Variants in PIEZO1 observed in about 807,000 individuals in gnomAD.
PIEZO1 encodes piezo-type mechanosensitive ion channel component 1.
Under a neutral mutation model 297.2 loss-of-function variants are expected in PIEZO1, and 296 were observed. The ratio of observed to expected loss-of-function variants is 1.00; its 90% CI spans 0.91 to 1.10. The LOEUF is 1.10. Among genes scored for constraint, PIEZO1 ranks in the 50% least tolerant of loss-of-function variants. PIEZO1 has a pLI of 0.00. For missense variants in PIEZO1, 5,018 were observed against 3,455.5 expected (o/e 1.45, Z -11.34); for synonymous variants, 2,427 against 1,507.5 (o/e 1.61, Z -14.13).
intron 2 of PIEZO1, among the ~76,000 whole-genome samples, chr16:88,746,967 C>G (rs1457859098): frequency 6.6e-6 from 1 of 152,182 alleles, no homozygotes; most frequent in Non-Finnish European, 1.5e-5. Flanking sequence ...AGCCATGCAT[C>G]CTGGAGGGGT....
At chr16:88,744,933 C>T (rs935512827) in intron 2 of PIEZO1, among the ~76,000 whole-genome samples, 2 of 151,960 alleles carry the variant, frequency 1.3e-5, no homozygotes, top group Non-Finnish European at 2.9e-5. Flanking sequence ...CTGCACGGGG[C>T]GGGGAGCGGG....
chr16:88,735,168 C>G lies in PIEZO1; in HGVS notation c.1636G>C (p.Ala546Pro). ...EKLLKWAESP[A>P]ALTEVTVADT... ...GCCACGGTGACCTCCGTCAGCGCAG[C>G]TGGAGACTCTGCCCACTTCAGCAGC... Residue 546 changes from alanine to proline, a missense_variant, in exon 13 of 51, where the codon GCT becomes CCT. Ala to Pro is a conservative substitution (Grantham distance 27). Coordinates refer to ENST00000301015, the MANE Select transcript of PIEZO1 (RefSeq NM_001142864.4). 1 of 1,550,396 alleles carries G rather than the reference C, an allele frequency of 6.4e-7. No individual in the cohort carries two copies. The highest frequency in any genetic ancestry group is 8.7e-7 in the Non-Finnish European group (1 of 1,146,922).
At chr16:88,755,211 G>A (rs752349287) in intron 1 of PIEZO1, among the ~76,000 whole-genome samples, 1 of 152,240 alleles carries the variant, frequency 6.6e-6, no homozygotes, top group Non-Finnish European at 1.5e-5. Context: ...AGCCGCCCCC[G>A]CCGCCCCCGC....
intron 1 of PIEZO1, among the ~76,000 whole-genome samples, chr16:88,775,049 G>A (rs1304518641): frequency 1.3e-5 from 2 of 152,234 alleles, no homozygotes; most frequent in Non-Finnish European, 2.9e-5. Flanking sequence ...GGGAGGCCCC[G>A]GCCCAGACAG....
chr16:88,722,947 C>T lies in PIEZO1; in HGVS notation c.4558G>A (p.Ala1520Thr). ...TAQFLWMLGQ[A>T]LVDELTRWLQ... ...CAGCGTGTCAGCTCATCCACTAGCGCCTGCCCCAGCATCCACAGGAACTGC... is the reference window on the plus strand; with the variant it reads ...CAGCGTGTCAGCTCATCCACTAGCGTCTGCCCCAGCATCCACAGGAACTGC... Residue 1520 changes from alanine (A) to threonine (T), a missense_variant, in exon 34 of 51, where the codon GCG (alanine) becomes ACG (threonine). Ala to Thr is a moderately conservative substitution (Grantham distance 58). Coordinates refer to ENST00000301015, the MANE Select transcript of PIEZO1 (RefSeq NM_001142864.4). The T allele has an allele frequency of 6.5e-7, 1 of 1,549,336 alleles. No individual in the cohort carries two copies. The highest frequency in any genetic ancestry group is 1.7e-4 in the Middle Eastern group (1 of 5,978).
rs532686063 is a variant in PIEZO1 at position 88,727,238 on chromosome 16, G to A, written c.3302-46C>T. 4.7e-4 allele frequency: 702 copies of A among 1,490,182 alleles called. 1 individual carries two copies. The highest frequency in any genetic ancestry group is 6.0e-4 in the Non-Finnish European group (665 of 1,117,644). The allele number at this position is 1,490,182 out of a possible 1,614,324, so 92.3% of individuals were successfully genotyped here. On this transcript the variant is annotated intron_variant, in intron 23 of 50. Coordinates refer to ENST00000301015, the MANE Select transcript of PIEZO1 (RefSeq NM_001142864.4). ...CGCTGTGCCACACGGGGACCCACAC[G>A]AGGTGGGCACGGCGCATAAATCCCA...
At chr16:88,767,617 C>T (rs1907235349) in intron 1 of PIEZO1, among the ~76,000 whole-genome samples, 2 of 152,188 alleles carry the variant, frequency 1.3e-5, no homozygotes, top group African/African-American at 4.8e-5. Flanking sequence ...CCCACATTTG[C>T]AGGGGGAGCC....
intron 2 of PIEZO1, among the ~76,000 whole-genome samples, chr16:88,748,868 G>A (rs1251499926): frequency 1.3e-5 from 2 of 149,890 alleles, no homozygotes; most frequent in Non-Finnish European, 3.0e-5. Flanking sequence ...GGGATGCGGA[G>A]GTTGCAGTGA....
intron 39 of PIEZO1, 34 bp from the exon 40 acceptor site, chr16:88,720,782 C>T: frequency 6.9e-7 from 1 of 1,453,776 alleles, no homozygotes; most frequent in South Asian, 1.5e-5. Context: ...CCTGGGCCCC[C>T]TGGGGACTGG....
At chr16:88,762,246 A>C (rs924236141) in intron 1 of PIEZO1, among the ~76,000 whole-genome samples, 1 of 148,560 alleles carries the variant, frequency 6.7e-6, no homozygotes, top group African/African-American at 2.5e-5. Flanking sequence ...AGCCCAGCTG[A>C]AGAAAGGGCC....
Position 88,734,923 on chromosome 16 carries a change from G to T in PIEZO1, c.1800C>A (p.Tyr600Ter). 1 of 1,550,440 alleles carries T rather than the reference G, an allele frequency of 6.4e-7. No homozygotes were observed. Residue 600 changes from tyrosine (Y) to a stop codon, truncating the protein, a stop_gained, in exon 14 of 51, where the codon TAC becomes TAA. Coordinates refer to ENST00000301015, the MANE Select transcript of PIEZO1 (RefSeq NM_001142864.4). LOFTEE classifies it high-confidence loss of function. ...VVSFAGRLVV[Y>*]KIVYMFLFLL... is the part of the protein sequence containing the mutation. ...GGAAGAGGAACATGTAGACAATCTT[G>T]TAGACCACGAGGCGGCCGGCGAAGC...
chr16:88,727,499 G>A (rs1904537964), intron 23 of PIEZO1, 58 bp downstream of exon 23: 2 of 694,890 alleles, frequency 2.9e-6, no homozygotes, highest in Non-Finnish European at 2.5e-6. Context: ...GCAGATTTGG[G>A]GGCGTGAATG....
chr16:88,750,028 G>GAGAA (rs1274770974), intron 1 of PIEZO1, among the ~76,000 whole-genome samples: 1 of 145,004 alleles, frequency 6.9e-6, no homozygotes, highest in African/African-American at 2.6e-5. Context: ...GCCTCAAAAA[G>GAGAA]AGAAAGAAAG....
Position 88,741,730 on chromosome 16 carries a change from GAGTGTGGATGGGT to G in PIEZO1, c.327-127_327-115del. On this transcript the variant is annotated intron_variant, in intron 4 of 50. Transcript: ENST00000301015. ...TGGATGGGTCTCCAGGTGCGGGTGG[GAGTGTGGATGGGT>G]CTCCAGGTGCGGGTGGGAGTGTGGA... 9 of 297,296 alleles carry G rather than the reference GAGTGTGGATGGGT, an allele frequency of 3.0e-5. No individual in the cohort carries two copies. The South Asian group carries it at 3.4e-4, about 11-fold the overall frequency. 18.4% of individuals were successfully genotyped at this position (297,296 alleles called of 1,614,324 possible).
At chr16:88,763,157 A>G (rs1176347341) in intron 1 of PIEZO1, among the ~76,000 whole-genome samples, 2 of 152,190 alleles carry the variant, frequency 1.3e-5, no homozygotes, top group Non-Finnish European at 2.9e-5. Context: ...GTGAGCTAGC[A>G]GCCAATGTCC....
intron 2 of PIEZO1, among the ~76,000 whole-genome samples, chr16:88,746,146 G>C (rs989172410): frequency 6.6e-6 from 1 of 152,218 alleles, no homozygotes; most frequent in Non-Finnish European, 1.5e-5. Context: ...CCCACCCAGC[G>C]ACAGCTAGGG....
chr16:88,768,508 T>C (rs1283675040), intron 1 of PIEZO1, among the ~76,000 whole-genome samples: 3 of 152,206 alleles, frequency 2.0e-5, no homozygotes, highest in Non-Finnish European at 4.4e-5. Flanking sequence ...ACATCCTGTT[T>C]TTATGGAAAA....
intron 1 of PIEZO1, among the ~76,000 whole-genome samples, chr16:88,775,271 C>T (rs1356178984): frequency 6.6e-6 from 1 of 152,184 alleles, no homozygotes; most frequent in Non-Finnish European, 1.5e-5. Context: ...CAGAGGATGC[C>T]GGGGCAGACC....
rs144777557 is a variant in PIEZO1, at chr16:88,733,987, CCTG to C, written c.2245_2247del (p.Gln749del). ...GAGTCCTCCTCCTCCTCCTCCTCCT[CCTG>C]CTGCTGCTGCTGATGCTCCTGCTGC... On this transcript the variant is annotated inframe_deletion, in exon 17 of 51. Coordinates refer to ENST00000301015, the MANE Select transcript of PIEZO1 (RefSeq NM_001142864.4). 178,144 of 1,500,462 alleles carry C rather than the reference CCTG, an allele frequency of 0.12. 8,899 individuals are homozygous for C. The highest frequency in any genetic ancestry group is 0.14 in the Non-Finnish European group (153,201 of 1,113,876). The allele number at this position is 1,500,462 out of a possible 1,614,324, so 92.9% of individuals were successfully genotyped here.
Sources: allele counts gnomAD v4.1 joint callset (sites outside exome capture counted in the v4.1 genomes callset), GRCh38; gene constraint gnomAD v4.1.1; transcripts MANE v1.5; gene names NCBI Gene and HGNC (gene_info 2026-07-23, HGNC 2026-07-21).